Variants in COG5 observed in about 807,000 individuals in gnomAD.
The protein encoded by COG5 is component of oligomeric golgi complex 5.
COG5 carries 86 observed loss-of-function variants against 110.4 expected under a neutral mutation model. The ratio of observed to expected loss-of-function variants is 0.78; its 90% confidence interval spans 0.65 to 0.93. The LOEUF is 0.93. Ranked by LOEUF, COG5 falls within the 40% of genes least tolerant of loss-of-function variation. COG5 has a pLI of 0.00. For missense variants in COG5, 1,077 were observed against 987.0 expected, an observed-to-expected ratio of 1.09 and a Z score of -1.22; for synonymous variants, 360 against 334.6, an observed-to-expected ratio of 1.08 and a Z score of -0.83.
intron 12 of COG5, among the ~76,000 whole-genome samples, chr7:107,285,844 G>A (rs1438718287): frequency 2.1e-5 from 3 of 146,250 alleles, no homozygotes; most frequent in Non-Finnish European, 4.5e-5. Context: ...CAGCCTGGGC[G>A]ACACAGCAAG....
intron 6 of COG5, among the ~76,000 whole-genome samples, chr7:107,446,142 T>C (rs891901718): frequency 2.0e-5 from 3 of 152,240 alleles, no homozygotes; most frequent in African/African-American, 7.2e-5. Flanking sequence ...TAGTCTTCTA[T>C]ATTCAACCAT....
chr7:107,335,894 G>C (rs906141860), intron 10 of COG5, among the ~76,000 whole-genome samples: 11 of 152,010 alleles, frequency 7.2e-5, no homozygotes, highest in African/African-American at 2.4e-4. Flanking sequence ...TAATGAGAAA[G>C]GGGTCAATTT....
chr7:107,239,021 T>G (rs887881427), intron 17 of COG5, among the ~76,000 whole-genome samples: 6 of 152,218 alleles, frequency 3.9e-5, no homozygotes, highest in Admixed American at 6.5e-5. Context: ...CTTTGTAGTC[T>G]GAGCTCTTGG....
intron 7 of COG5, among the ~76,000 whole-genome samples, chr7:107,402,805 C>G (rs1219761307): frequency 6.6e-6 from 1 of 152,080 alleles, no homozygotes; most frequent in Non-Finnish European, 1.5e-5. Flanking sequence ...CTGTGCATCC[C>G]CAGAAGATGT....
intron 3 of COG5, chr7:107,549,107 G>C (rs1802687883): frequency 6.6e-6 from 1 of 152,086 alleles, no homozygotes; most frequent in Non-Finnish European, 1.5e-5. Flanking sequence ...CAGTTCAATA[G>C]AATCCTCTCT....
intron 2 of COG5, among the ~76,000 whole-genome samples, chr7:107,556,715 T>C (rs986122430): frequency 6.6e-6 from 1 of 152,222 alleles, no homozygotes; most frequent in Non-Finnish European, 1.5e-5. Context: ...ATGTATTCTA[T>C]TTATTTGGCT....
intron 10 of COG5, among the ~76,000 whole-genome samples, chr7:107,353,328 G>A (rs1019662441): frequency 6.6e-6 from 1 of 150,936 alleles, no homozygotes; most frequent in Non-Finnish European, 1.5e-5. Context: ...GGGAGGCTGA[G>A]GCAGGAGAAT....
Position 107,336,990 on chromosome 7 carries a change from C to G in COG5, c.1027-12469G>C, listed in dbSNP as rs144319052. Among the ~76,000 whole-genome samples, 640 of 152,136 alleles carry G rather than the reference C, an allele frequency of 4.2e-3. 2 individuals carry two copies. The highest frequency in any genetic ancestry group is 0.014 in the African/African-American group (600 of 41,482). The stretch of plus-strand genomic sequence containing the variant: ...ATCCCATTAAAAAGTGGGCAAAGGA[C>G]TGGAATAGACATTTCTCAAGAGAAG... On this transcript the variant is annotated intron_variant, in intron 10 of 21. Coordinates refer to ENST00000297135, the MANE Select transcript of COG5 (RefSeq NM_006348.5).
intron 6 of COG5, among the ~76,000 whole-genome samples, chr7:107,445,057 C>T (rs968553767): frequency 2.0e-5 from 3 of 151,858 alleles, no homozygotes; most frequent in Non-Finnish European, 4.4e-5. Context: ...CACTGGTAGT[C>T]CCAGCAACTT....
chr7:107,397,508 T>TA (rs938142995), intron 7 of COG5, among the ~76,000 whole-genome samples: 6 of 151,672 alleles, frequency 4.0e-5, no homozygotes, highest in African/African-American at 1.5e-4. Context: ...AGACAATATA[T>TA]AAAAAAATAC....
intron 11 of COG5, among the ~76,000 whole-genome samples, chr7:107,301,575 G>A (rs971951328): frequency 2.6e-5 from 4 of 152,104 alleles, no homozygotes; most frequent in African/African-American, 4.8e-5. Context: ...AAATTAAAAA[G>A]AGTGACCACA....
At chr7:107,315,543 C>T (rs1184998284) in intron 11 of COG5, among the ~76,000 whole-genome samples, 1 of 150,238 alleles carries the variant, frequency 6.7e-6, no homozygotes, top group African/African-American at 2.5e-5. Flanking sequence ...TTGTCAAGCT[C>T]TTGGATTACC....
chr7:107,297,664 G>T (rs1806878281), intron 12 of COG5, among the ~76,000 whole-genome samples: 2 of 151,928 alleles, frequency 1.3e-5, no homozygotes. Context: ...GATCAGGCTG[G>T]TCTCGAACTC....
In COG5 at chr7:107,488,171, T is replaced by A. The variant is rs918708779; in HGVS notation, c.538+39066A>T. ...TTCCAAGCCCATTTATTTAAAAAAA[T>A]TTTAAAATATAGCACATGGCAGGCC... On this transcript the variant is annotated intron_variant, in intron 6 of 21. Coordinates refer to ENST00000297135, the MANE Select transcript of COG5 (RefSeq NM_006348.5). 4.0e-5 allele frequency among the ~76,000 whole-genome samples: 6 copies of A among 150,520 alleles called. No homozygotes were observed. The East Asian group carries it at 9.7e-4, about 24-fold the overall frequency.
chr7:107,399,955 C>T (rs796942544), intron 7 of COG5, among the ~76,000 whole-genome samples: 60 of 152,198 alleles, frequency 3.9e-4, no homozygotes, highest in African/African-American at 1.3e-3. Context: ...CCCTCAACTA[C>T]GGATGTGGAA....
intron 6 of COG5, among the ~76,000 whole-genome samples, chr7:107,447,607 A>G (rs1357648601): frequency 2.0e-5 from 3 of 152,196 alleles, no homozygotes; most frequent in Non-Finnish European, 4.4e-5. Flanking sequence ...ATTATATTAG[A>G]GGCTATAGGC....
intron 6 of COG5, among the ~76,000 whole-genome samples, chr7:107,461,711 G>A (rs1285885923): frequency 6.6e-6 from 1 of 152,098 alleles, no homozygotes; most frequent in African/African-American, 2.4e-5. Context: ...AAAATCATAT[G>A]GTTTAAGTTC....
intron 6 of COG5, among the ~76,000 whole-genome samples, chr7:107,493,050 T>C (rs1322526290): frequency 6.6e-6 from 1 of 152,176 alleles, no homozygotes; most frequent in African/African-American, 2.4e-5. Flanking sequence ...TTAGCTCATA[T>C]AGGCTCCACC....
chr7:107,233,449 G>T (rs535230349), intron 18 of COG5, among the ~76,000 whole-genome samples: 4 of 152,322 alleles, frequency 2.6e-5, no homozygotes, highest in Non-Finnish European at 5.9e-5. Context: ...GATCCCTCCA[G>T]ATGGCACCCT....
Sources: allele counts gnomAD v4.1 joint callset (sites outside exome capture counted in the v4.1 genomes callset), GRCh38; gene constraint gnomAD v4.1.1; transcripts MANE v1.5; gene names NCBI Gene and HGNC (gene_info 2026-07-23, HGNC 2026-07-21).